Variants in KCTD16 observed in about 807,000 individuals in gnomAD.
The protein encoded by KCTD16 is BTB/POZ domain-containing protein KCTD16.
In KCTD16, 13 loss-of-function variants were observed where a neutral mutation model predicts 33.2. The ratio of observed to expected loss-of-function variants is 0.39; its 90% CI spans 0.25 to 0.62. The LOEUF is 0.62. KCTD16 is among the 20% of genes least tolerant of loss of function. The pLI, the probability that KCTD16 is intolerant of heterozygous loss-of-function variation, is 0.50. For missense variants in KCTD16, 441 were observed against 525.1 expected, an observed-to-expected ratio of 0.84 and a Z score of 1.57; for synonymous variants, 197 against 195.3, an observed-to-expected ratio of 1.01 and a Z score of -0.07.
chr5:144,176,585 G>T (rs914101059), intron 2 of KCTD16, among the ~76,000 whole-genome samples: 3 of 151,066 alleles, frequency 2.0e-5, no homozygotes, highest in Admixed American at 6.6e-5. Flanking sequence ...TGTATTTTTA[G>T]TAGAGACGGG....
At chr5:144,421,324 A>G (rs1481807047) in intron 3 of KCTD16, among the ~76,000 whole-genome samples, 1 of 152,144 alleles carries the variant, frequency 6.6e-6, no homozygotes, top group Non-Finnish European at 1.5e-5. Flanking sequence ...TATGACCTAT[A>G]TTAAGGTTCC....
At position 144,484,095 on chromosome 5, in the gene KCTD16, G is replaced by T. The variant is rs1300445811; in HGVS notation, c.*9981G>T. 5 of 151,780 alleles carry T rather than the reference G, an allele frequency of 3.3e-5. No individual in the cohort carries two copies. Among genetic ancestry groups the T allele is most frequent in the African/African-American group, 1.2e-4 (5 of 41,366 alleles). The allele number at this position is 151,780 out of a possible 1,614,324, so 9.4% of individuals were successfully genotyped here. Reference sequence around the variant, plus strand: ...AATTCCAAAGGAGAAAGTTGAATCAGGAAAATTTGTCTTAAAATATACTGC... The same window carrying T: ...AATTCCAAAGGAGAAAGTTGAATCATGAAAATTTGTCTTAAAATATACTGC... On this transcript the variant is annotated 3_prime_UTR_variant, in exon 4 of 4. Coordinates refer to ENST00000512467, the MANE Select transcript of KCTD16 (RefSeq NM_020768.4).
chr5:144,346,597 T>C (rs1752806643), intron 3 of KCTD16, among the ~76,000 whole-genome samples: 1 of 152,228 alleles, frequency 6.6e-6, no homozygotes, highest in African/African-American at 2.4e-5. Context: ...TGATTTGCAT[T>C]TCTCTGATGA....
At chr5:144,223,733 A>T (rs2126806174) in intron 3 of KCTD16, among the ~76,000 whole-genome samples, 1 of 152,020 alleles carries the variant, frequency 6.6e-6, no homozygotes, top group East Asian at 1.9e-4. Flanking sequence ...AGAGGGGAGG[A>T]ATTCCATGAT....
intron 3 of KCTD16, among the ~76,000 whole-genome samples, chr5:144,321,692 TA>T (rs1752078375): frequency 6.6e-6 from 1 of 152,174 alleles, no homozygotes; most frequent in African/African-American, 2.4e-5. Flanking sequence ...CAATATGTGA[TA>T]ATAATGGCTC....
At chr5:144,209,787 A>AAT (rs10628313) in intron 3 of KCTD16, among the ~76,000 whole-genome samples, 27,956 of 140,856 alleles carry the variant, frequency 0.2, 2,895 homozygotes, top group Admixed American at 0.26. Context: ...CTTAGGGGGA[A>AAT]ATATATATAT....
intron 3 of KCTD16, among the ~76,000 whole-genome samples, chr5:144,216,346 T>C (rs1395259475): frequency 6.6e-6 from 1 of 152,174 alleles, no homozygotes; most frequent in East Asian, 1.9e-4. Context: ...GTGTGACCCA[T>C]TCAAAAACTG....
chr5:144,309,714 A>C (rs1751708560), intron 3 of KCTD16, among the ~76,000 whole-genome samples: 1 of 152,050 alleles, frequency 6.6e-6, no homozygotes, highest in African/African-American at 2.4e-5. Context: ...TTCTTAAATA[A>C]CTCACACACT....
chr5:144,387,254 G>A (rs1050099907), intron 3 of KCTD16, among the ~76,000 whole-genome samples: 1 of 149,898 alleles, frequency 6.7e-6, no homozygotes, highest in African/African-American at 2.5e-5. Context: ...TGGGATTACA[G>A]GCATGAGCCA....
chr5:144,289,747 C>T (rs1203826291), intron 3 of KCTD16, among the ~76,000 whole-genome samples: 1 of 151,968 alleles, frequency 6.6e-6, no homozygotes, highest in East Asian at 1.9e-4. Flanking sequence ...AGAGGCAACT[C>T]CTTCCTTAAG....
rs1754716112 is a variant in KCTD16 at position 144,482,153 on chromosome 5, T to A, written c.*8039T>A. 2 of 151,954 alleles carry A rather than the reference T, an allele frequency of 1.3e-5. No individual in the cohort carries two copies. The highest frequency in any genetic ancestry group is 4.8e-5 in the African/African-American group (2 of 41,392). The allele number at this position is 151,954 out of a possible 1,614,324, so 9.4% of individuals were successfully genotyped here. A position where few individuals can be genotyped will look rare whatever the true frequency, so the allele number is the denominator to read the frequency against. The stretch of plus-strand genomic sequence containing the variant: ...CTCTGTTCTCTGAACTTTGCCTGTT[T>A]CTCCTCTCTCCTATGCTAAACAAGG... On this transcript the variant is annotated 3_prime_UTR_variant, in exon 4 of 4. Coordinates refer to ENST00000512467, the MANE Select transcript of KCTD16 (RefSeq NM_020768.4).
intron 3 of KCTD16, among the ~76,000 whole-genome samples, chr5:144,210,867 G>A (rs551047259): frequency 6.6e-6 from 1 of 152,212 alleles, no homozygotes; most frequent in Non-Finnish European, 1.5e-5. Context: ...AAGATTTAAA[G>A]GCATTTGCCT....
chr5:144,367,113 C>G (rs762571345), intron 3 of KCTD16, among the ~76,000 whole-genome samples: 1 of 152,356 alleles, frequency 6.6e-6, no homozygotes, highest in Admixed American at 6.5e-5. Flanking sequence ...TTGGACCCAG[C>G]AATCCTGTCT....
chr5:144,387,392 A>G (rs1197250603), intron 3 of KCTD16, among the ~76,000 whole-genome samples: 1 of 152,134 alleles, frequency 6.6e-6, no homozygotes, highest in African/African-American at 2.4e-5. Context: ...AAAATAAGTC[A>G]TTCAAGGTCA....
intron 3 of KCTD16, among the ~76,000 whole-genome samples, chr5:144,356,243 G>A (rs777083553): frequency 1.3e-5 from 2 of 152,152 alleles, no homozygotes; most frequent in Non-Finnish European, 2.9e-5. Context: ...CATATGAGAA[G>A]TTCGAAAAAG....
intron 3 of KCTD16, among the ~76,000 whole-genome samples, chr5:144,227,333 T>C (rs73794908): frequency 0.015 from 2,289 of 152,208 alleles, 51 homozygotes; most frequent in African/African-American, 0.051. Context: ...AAAGCACATA[T>C]CAAGGTCCTG....
At chr5:144,196,228 G>A (rs1051395546) in intron 2 of KCTD16, among the ~76,000 whole-genome samples, 1 of 152,084 alleles carries the variant, frequency 6.6e-6, no homozygotes, top group East Asian at 1.9e-4. Context: ...GCTCTGATTG[G>A]CCAGTGGCTC....
At chr5:144,363,527 G>A (rs926352078) in intron 3 of KCTD16, among the ~76,000 whole-genome samples, 2 of 151,730 alleles carry the variant, frequency 1.3e-5, no homozygotes, top group African/African-American at 4.9e-5. Flanking sequence ...CTCTGCACCT[G>A]CCTCTTACTG....
Position 144,262,080 on chromosome 5 carries a change from C to G in KCTD16, c.832+54534C>G, listed in dbSNP as rs183071946. Among the ~76,000 whole-genome samples, 186 of 152,198 alleles carry G rather than the reference C, an allele frequency of 1.2e-3. 2 individuals carry two copies. Among genetic ancestry groups the G allele is most frequent in the African/African-American group, 4.1e-3 (171 of 41,518 alleles). ...AAAGACAATAAAAAGAAATAGATAC[C>G]TAGTGGTCAATGCTATGAAGATGGC... On this transcript the variant is annotated intron_variant, in intron 3 of 3. Transcript: ENST00000512467.
Sources: allele counts gnomAD v4.1 joint callset (sites outside exome capture counted in the v4.1 genomes callset), GRCh38; gene constraint gnomAD v4.1.1; transcripts MANE v1.5; gene names NCBI Gene and HGNC (gene_info 2026-07-23, HGNC 2026-07-21).